CDK5RAP3: variants seen among roughly 807,000 people sequenced by gnomAD.
The protein encoded by CDK5RAP3 is CDK5 regulatory subunit-associated protein 3.
In CDK5RAP3, 58 loss-of-function variants were observed where a neutral mutation model predicts 73.3. The ratio of observed to expected loss-of-function variants is 0.79; its 90% CI spans 0.64 to 0.98. CDK5RAP3 has a LOEUF of 0.98. Ranked by LOEUF, CDK5RAP3 falls within the 50% of genes least tolerant of loss-of-function variation. The probability of loss-of-function intolerance (pLI) is 0.00; values close to 1 mark genes in which losing one functional copy is unlikely to be tolerated. For missense variants in CDK5RAP3, 525 were observed against 615.8 expected (o/e 0.85, Z 1.56); for synonymous variants, 224 against 247.5 (o/e 0.91, Z 0.89).
In CDK5RAP3 at chr17:47,976,788, T is replaced by G. The variant is rs375999007; in HGVS notation, c.875T>G (p.Ile292Ser). 24 of 1,611,376 alleles carry G rather than the reference T, an allele frequency of 1.5e-5. No homozygotes were observed. In the African/African-American group the frequency reaches 3.1e-4, roughly 21 times the overall value. Residue 292 changes from isoleucine to serine, a missense_variant, in exon 9 of 14, where the codon ATC (isoleucine) becomes AGC (serine). Around this residue, in one of 2 missense-constraint regions of CDK5RAP3, gnomAD observed 409 missense variants for 429.8 expected, o/e 0.95. Coordinates refer to ENST00000338399, the MANE Select transcript of CDK5RAP3 (RefSeq NM_176096.3). Reference protein sequence around the residue: ...DSGISAEAAGIDWGIFPESDS... With the variant: ...DSGISAEAAGSDWGIFPESDS... ...GGCATCTCTGCCGAGGCTGCTGGAA[T>G]CGACTGGGGCATCTTCCCGGAATCA...
chr17:47,975,480 A>G (rs780532066), intron 6 of CDK5RAP3, 34 bp from the exon 7 acceptor site: 24 of 1,609,550 alleles, frequency 1.5e-5, no homozygotes, highest in Non-Finnish European at 1.5e-5. Context: ...GTTTTCTTCA[A>G]TCTGTTGGAC....
At chr17:47,977,982 A>C in intron 10 of CDK5RAP3, 72 bp downstream of exon 10, 2 of 1,086,788 alleles carry the variant, frequency 1.8e-6, no homozygotes, top group Non-Finnish European at 2.8e-6. Context: ...TAGAAACAAA[A>C]AATGCAGCGC....
At chr17:47,976,154 G>A (rs2036407983) in intron 8 of CDK5RAP3, 141 bp downstream of exon 8, 1 of 1,080,138 alleles carries the variant, frequency 9.3e-7, no homozygotes, top group Non-Finnish European at 1.3e-6. Flanking sequence ...GGGCCCAGGA[G>A]GCCCTACTCC....
In CDK5RAP3 at chr17:47,973,955, G is replaced by A. The variant is rs563640271; in HGVS notation, c.209G>A (p.Arg70Lys). ...GSYIHYFHCL[R>K]ILDLLKGTEA... ...GACATTCACTACTTTCACTGCCTAA[G>A]AATCCTGGACCTTCTCAAAGGCACA... is the stretch of plus-strand genomic sequence containing the variant. Residue 70 changes from arginine to lysine, a missense_variant, in exon 4 of 14, where the codon AGA becomes AAA. Arg to Lys is a conservative substitution (Grantham distance 26). This residue lies in a region of CDK5RAP3 where 409 missense variants were observed against 429.8 expected (regional missense o/e 0.95). Transcript: ENST00000338399. The A allele has an allele frequency of 1.2e-6, 2 of 1,614,010 alleles. No individual in the cohort carries two copies. The highest frequency in any genetic ancestry group is 1.7e-6 in the Non-Finnish European group (2 of 1,179,864).
chr17:47,980,987 C>T, intron 12 of CDK5RAP3, 176 bp from the exon 13 acceptor site: 2 of 858,382 alleles, frequency 2.3e-6, no homozygotes, highest in Middle Eastern at 2.3e-4. Context: ...TGCTTGCTTC[C>T]TGAGTAGGAC....
chr17:47,967,930 G>C (rs915550405), upstream of CDK5RAP3: 1 of 152,342 alleles, frequency 6.6e-6, no homozygotes, highest in Non-Finnish European at 1.5e-5. Context: ...TCTGCTCCAC[G>C]TGAGTCACCT....
At position 47,981,451 on chromosome 17, in the gene CDK5RAP3, C is replaced by T; in HGVS notation, c.1470C>T (p.Ile490=). The change falls in exon 14 of 14, where the codon ATC becomes ATT. Residue 490 remains isoleucine, a synonymous_variant. Transcript: ENST00000338399. ...CACTCTTTCAGATTGAAGCTGACAT[C>T]TCCAAGAGGTACAGCGGGCGCCCTG... ...KELQKLIEAD[I]SKRYSGRPVN... The T allele has an allele frequency of 6.2e-7, 1 of 1,614,248 alleles. No homozygotes were observed. Among genetic ancestry groups the T allele is most frequent in the Non-Finnish European group, 8.5e-7 (1 of 1,180,050 alleles).
rs768479454 is a variant in CDK5RAP3 at position 47,974,031 on chromosome 17, G to A, written c.285G>A (p.Lys95=). 1.9e-6 allele frequency: 3 copies of A among 1,604,594 alleles called. No individual in the cohort carries two copies. The highest frequency in any genetic ancestry group is 1.7e-6 in the Non-Finnish European group (2 of 1,171,222). Residue 95 remains lysine, a splice_region_variant and synonymous_variant, in exon 4 of 14, where the codon AAG becomes AAA. Coordinates refer to ENST00000338399, the MANE Select transcript of CDK5RAP3 (RefSeq NM_176096.3). ...GCCGATACTCTTCACAGCGGATGAA[G>A]GCAAGTGTGGGCCAAGGGCCGGTAG... ...IFGRYSSQRM[K]DWQEIIALYE...
intron 1 of CDK5RAP3, 71 bp downstream of exon 1, chr17:47,971,223 C>A: frequency 6.5e-7 from 1 of 1,529,552 alleles, no homozygotes; most frequent in Non-Finnish European, 8.8e-7. Context: ...GGTCTCCCTC[C>A]GGAAGCGGCT....
chr17:47,978,118 G>A (rs941134796), intron 10 of CDK5RAP3: 1 of 459,608 alleles, frequency 2.2e-6, no homozygotes, highest in African/African-American at 2.1e-5. Context: ...TGCCCAGGCT[G>A]GAGTGCAATG....
At position 47,973,536 on chromosome 17, in the gene CDK5RAP3, A is replaced by C; in HGVS notation, c.70A>C (p.Arg24=). 6.2e-7 allele frequency: 1 copy of C among 1,614,154 alleles called. No individual in the cohort carries two copies. The highest frequency in any genetic ancestry group is 8.5e-7 in the Non-Finnish European group (1 of 1,179,988). Residue 24 remains arginine, a synonymous_variant, in exon 3 of 14, where the codon AGG becomes CGG. Transcript: ENST00000338399. Reference sequence around the variant, plus strand: ...TCATGTAGATTGGCTGGTGGACAGAAGGCACTGCAGCCTGAAATGGCAGAG... The same window carrying C: ...TCATGTAGATTGGCTGGTGGACAGACGGCACTGCAGCCTGAAATGGCAGAG... ...SKLLDWLVDR[R]HCSLKWQSLV...
At position 47,976,785 on chromosome 17, in the gene CDK5RAP3, G is replaced by T. The variant is rs369615537; in HGVS notation, c.872G>T (p.Gly291Val). The T allele has an allele frequency of 4.4e-5, 71 of 1,611,608 alleles. No homozygotes were observed. In the African/African-American group the frequency reaches 6.0e-4, roughly 14 times the overall value. The change falls in exon 9 of 14, where the codon GGA becomes GTA. Residue 291 changes from glycine (G) to valine (V), a missense_variant. This residue lies in a region of CDK5RAP3 where 409 missense variants were observed against 429.8 expected (regional missense o/e 0.95). Transcript: ENST00000338399. ...TCTGGCATCTCTGCCGAGGCTGCTG[G>T]AATCGACTGGGGCATCTTCCCGGAA... The part of the protein sequence containing the change: ...TDSGISAEAA[G>V]IDWGIFPESD...
chr17:47,976,705 T>A lies in CDK5RAP3; in HGVS notation c.799-7T>A, dbSNP rs756978454. The A allele has an allele frequency of 1.1e-5, 18 of 1,595,364 alleles. No individual in the cohort carries two copies. Among genetic ancestry groups the A allele is most frequent in the Non-Finnish European group, 1.5e-5 (18 of 1,164,408 alleles). ...TCCATGAGCTAACACTCTCTTTCCC[T>A]TTCCAGATTGACTGGGGCGACTTTG... is the stretch of plus-strand genomic sequence containing the variant. On this transcript the variant is annotated splice_polypyrimidine_tract_variant and splice_region_variant and intron_variant, in intron 8 of 13. Transcript: ENST00000338399.
At position 47,981,436 on chromosome 17, in the gene CDK5RAP3, G is replaced by C. The variant is rs184760380; in HGVS notation, c.1456-1G>C. The C allele has an allele frequency of 9.3e-5, 150 of 1,614,268 alleles. No individual in the cohort carries two copies. The highest frequency in any genetic ancestry group is 1.2e-4 in the Non-Finnish European group (138 of 1,180,042). On this transcript the variant is annotated splice_acceptor_variant, in intron 13 of 13. Coordinates refer to ENST00000338399, the MANE Select transcript of CDK5RAP3 (RefSeq NM_176096.3). LOFTEE classifies it high-confidence loss of function. ...CTGCCCACTTGGTATCACTCTTTCA[G>C]ATTGAAGCTGACATCTCCAAGAGGT...
Position 47,976,801 on chromosome 17 carries a change from C to T in CDK5RAP3, c.888C>T (p.Ile296=). The T allele has an allele frequency of 1.2e-6, 2 of 1,609,708 alleles. No homozygotes were observed. Among genetic ancestry groups the T allele is most frequent in the Non-Finnish European group, 1.7e-6 (2 of 1,177,396 alleles). Residue 296 remains isoleucine (I), a synonymous_variant, in exon 9 of 14, where the codon ATC becomes ATT. Coordinates refer to ENST00000338399, the MANE Select transcript of CDK5RAP3 (RefSeq NM_176096.3). ...AGGCTGCTGGAATCGACTGGGGCAT[C>T]TTCCCGGAATCAGATTCAAAGGTGA... ...SAEAAGIDWG[I]FPESDSKDPG...
chr17:47,976,106 A>G, intron 8 of CDK5RAP3, 93 bp downstream of exon 8: 4 of 1,462,984 alleles, frequency 2.7e-6, no homozygotes, highest in Admixed American at 2.1e-5. Flanking sequence ...CCCAGAGAGA[A>G]GAAGGGAGGA....
At chr17:47,976,310 T>C (rs2036410899) in intron 8 of CDK5RAP3, among the ~76,000 whole-genome samples, 1 of 152,184 alleles carries the variant, frequency 6.6e-6, no homozygotes. Flanking sequence ...AACAGTGTGC[T>C]CTCTACAGAA....
intron 10 of CDK5RAP3, chr17:47,978,568 G>T (rs949096412): frequency 4.3e-6 from 2 of 464,426 alleles, no homozygotes; most frequent in Non-Finnish European, 7.8e-6. Flanking sequence ...TACCTCCTGC[G>T]GTCCACCAGA....
chr17:47,974,594 T>G (rs568574146), intron 5 of CDK5RAP3, 146 bp downstream of exon 5: 11 of 1,491,988 alleles, frequency 7.4e-6, no homozygotes, highest in Non-Finnish European at 9.8e-6. Context: ...GTAAAATCAA[T>G]TGTTTTTGAT....
Sources: allele counts gnomAD v4.1 joint callset (sites outside exome capture counted in the v4.1 genomes callset), GRCh38; gene constraint gnomAD v4.1.1; regional missense constraint gnomAD v4.1.1; transcripts MANE v1.5; gene names NCBI Gene and HGNC (gene_info 2026-07-23, HGNC 2026-07-21).